CADPS: variants seen among roughly 807,000 people sequenced by gnomAD.
CADPS encodes the protein calcium-dependent secretion activator 1.
CADPS carries 57 observed loss-of-function variants against 167.3 expected under a neutral mutation model. That is an observed-to-expected ratio of 0.34 (90% CI 0.28 to 0.42). The LOEUF is 0.42. CADPS is among the 20% of genes least tolerant of loss of function. The pLI is 1.00. For missense variants in CADPS, 1,414 were observed against 1,738.1 expected, an observed-to-expected ratio of 0.81 and a Z score of 3.32; for synonymous variants, 676 against 635.3, an observed-to-expected ratio of 1.06 and a Z score of -0.96.
At chr3:62,760,871 C>T (rs543060747) in intron 2 of CADPS, among the ~76,000 whole-genome samples, 1 of 152,162 alleles carries the variant, frequency 6.6e-6, no homozygotes, top group Non-Finnish European at 1.5e-5. Flanking sequence ...ACTGTTCTTC[C>T]TCTTCTGATA....
intron 28 of CADPS, among the ~76,000 whole-genome samples, chr3:62,415,482 C>T (rs1363319096): frequency 6.6e-6 from 1 of 151,964 alleles, no homozygotes; most frequent in Admixed American, 6.6e-5. Flanking sequence ...TAGCCCCCAC[C>T]CCCCCAACTC....
At chr3:62,806,361 T>TAAAAA (rs11328861) in intron 1 of CADPS, among the ~76,000 whole-genome samples, 1 of 138,030 alleles carries the variant, frequency 7.2e-6, no homozygotes. Context: ...CGTCTTTAGT[T>TAAAAA]AAAAAAAAAA....
Position 62,782,088 on chromosome 3 carries a change from C to T in CADPS, c.442-16104G>A, listed in dbSNP as rs551975293. Among the ~76,000 whole-genome samples the T allele has an allele frequency of 3.3e-5, 5 of 152,088 alleles. No homozygotes were observed. In the East Asian group the frequency reaches 7.7e-4, roughly 24 times the overall value. On this transcript the variant is annotated intron_variant, in intron 1 of 29. Transcript: ENST00000383710. ...TTTGGTGAAGGTTTGGAAGGACAGA[C>T]GCATCATTCTGGAATGTTGGTTAAA...
At chr3:62,553,324 G>A (rs901890211) in intron 10 of CADPS, among the ~76,000 whole-genome samples, 2 of 152,172 alleles carry the variant, frequency 1.3e-5, no homozygotes, top group African/African-American at 4.8e-5. Flanking sequence ...ACACCAGGAA[G>A]TTTTTATATT....
intron 5 of CADPS, among the ~76,000 whole-genome samples, chr3:62,650,097 G>A (rs2069703980): frequency 6.6e-6 from 1 of 152,176 alleles, no homozygotes; most frequent in African/African-American, 2.4e-5. Flanking sequence ...GTATCTGACA[G>A]TGGAGTTGCT....
Position 62,851,560 on chromosome 3 carries a change from C to A in CADPS, c.441+23029G>T, listed in dbSNP as rs1370051761. 6.8e-4 allele frequency among the ~76,000 whole-genome samples: 98 copies of A among 144,858 alleles called. 2 individuals are homozygous for A. Among genetic ancestry groups the A allele is most frequent in the Non-Finnish European group, 1.4e-3 (89 of 65,530 alleles). Reference sequence around the variant, plus strand: ...GCTTAGTTTGGCTGGATATGAAATTCTGGGTTGAAAATTCTTTTCTTTAAG... The same window carrying A: ...GCTTAGTTTGGCTGGATATGAAATTATGGGTTGAAAATTCTTTTCTTTAAG... On this transcript the variant is annotated intron_variant, in intron 1 of 29. Coordinates refer to ENST00000383710, the MANE Select transcript of CADPS (RefSeq NM_003716.4).
chr3:62,707,918 CTGTTTTTGTTTT>C (rs55659559), intron 3 of CADPS, among the ~76,000 whole-genome samples: 1 of 150,994 alleles, frequency 6.6e-6, no homozygotes. Flanking sequence ...AGACACAGTA[CTGTTTTTGTTTT>C]TGTTTTTGTT....
At chr3:62,409,934 A>G (rs1376880212) in intron 28 of CADPS, among the ~76,000 whole-genome samples, 4 of 152,224 alleles carry the variant, frequency 2.6e-5, no homozygotes, top group Admixed American at 6.5e-5. Flanking sequence ...TCCAGTGAAA[A>G]TAGTCTAATC....
chr3:62,701,533 C>T lies in CADPS; in HGVS notation c.889-39139G>A, dbSNP rs548209257. 6.4e-4 allele frequency among the ~76,000 whole-genome samples: 94 copies of T among 147,508 alleles called. 2 individuals carry two copies. The highest frequency in any genetic ancestry group is 4.7e-3 in the Admixed American group (67 of 14,374). On this transcript the variant is annotated intron_variant, in intron 3 of 29. Transcript: ENST00000383710. ...CTGAGGCAGGAGAATTGTTTGAACA[C>T]GGGAGGCAGAGGTTGCAGTGAGCCG...
In CADPS at chr3:62,575,995, C is replaced by T. The variant is rs182340776; in HGVS notation, c.1578-5057G>A. Among the ~76,000 whole-genome samples the T allele has an allele frequency of 2.5e-3, 374 of 152,316 alleles. 2 individuals are homozygous for T. The highest frequency in any genetic ancestry group is 8.1e-3 in the African/African-American group (337 of 41,574). On this transcript the variant is annotated intron_variant, in intron 8 of 29. Coordinates refer to ENST00000383710, the MANE Select transcript of CADPS (RefSeq NM_003716.4). Reference sequence around the variant, plus strand: ...ACTGTTTCTGTCTAGTCAGCTCCGGCTCTGCGTTTTCTTGGGTGGAAACAT... The same window carrying T: ...ACTGTTTCTGTCTAGTCAGCTCCGGTTCTGCGTTTTCTTGGGTGGAAACAT...
chr3:62,808,661 G>T (rs796124290), intron 1 of CADPS, among the ~76,000 whole-genome samples: 1 of 151,994 alleles, frequency 6.6e-6, no homozygotes, highest in South Asian at 2.1e-4. Context: ...GAGTGCCAGG[G>T]CCCTGTCCTG....
chr3:62,449,058 T>A (rs1275632727), intron 26 of CADPS, among the ~76,000 whole-genome samples: 1 of 152,142 alleles, frequency 6.6e-6, no homozygotes, highest in African/African-American at 2.4e-5. Context: ...ATTCATGTAG[T>A]TAATTAAGGA....
chr3:62,835,920 C>T lies in CADPS; in HGVS notation c.441+38669G>A, dbSNP rs978679758. ...ACACATTAGATGACTTCATCTAAAG[C>T]TAATGCAGCTCCCTTCTCTTTTTCT... On this transcript the variant is annotated intron_variant, in intron 1 of 29. Coordinates refer to ENST00000383710, the MANE Select transcript of CADPS (RefSeq NM_003716.4). 1.0e-3 allele frequency among the ~76,000 whole-genome samples: 154 copies of T among 152,262 alleles called. 1 individual carries two copies. The highest frequency in any genetic ancestry group is 3.4e-3 in the African/African-American group (142 of 41,552).
intron 21 of CADPS, among the ~76,000 whole-genome samples, chr3:62,485,584 G>T (rs2062696556): frequency 6.9e-6 from 1 of 144,048 alleles, no homozygotes; most frequent in African/African-American, 2.5e-5. Flanking sequence ...CATTTTTCTT[G>T]TGTGTATGTT....
rs573407097 is a variant in CADPS, at chr3:62,699,968, T to C, written c.889-37574A>G. On this transcript the variant is annotated intron_variant, in intron 3 of 29. Transcript: ENST00000383710. ...CTGAGTAGTTGCAACACAGACCACG[T>C]GGCCTGCAAAGCCTCAAATATTCAC... 4.6e-5 allele frequency among the ~76,000 whole-genome samples: 7 copies of C among 152,252 alleles called. No individual in the cohort carries two copies. In the South Asian group the frequency reaches 1.4e-3, roughly 32 times the overall value.
chr3:62,764,580 C>T (rs1356246910), intron 2 of CADPS, among the ~76,000 whole-genome samples: 15 of 152,156 alleles, frequency 9.9e-5, no homozygotes, highest in Admixed American at 9.8e-4. Context: ...AATATTTTCA[C>T]AAGATCTAAT....
chr3:62,783,927 CTTACA>C (rs1387984466), intron 1 of CADPS, among the ~76,000 whole-genome samples: 1 of 152,162 alleles, frequency 6.6e-6, no homozygotes, highest in Non-Finnish European at 1.5e-5. Flanking sequence ...CACATGCACA[CTTACA>C]TTACAAAAAT....
intron 3 of CADPS, among the ~76,000 whole-genome samples, chr3:62,694,953 G>C (rs2151387640): frequency 1.3e-5 from 2 of 152,148 alleles, no homozygotes; most frequent in East Asian, 3.9e-4. Context: ...AGCAATCAAG[G>C]GTGGAAGTGG....
At chr3:62,575,394 T>G (rs2152485550) in intron 8 of CADPS, among the ~76,000 whole-genome samples, 1 of 152,324 alleles carries the variant, frequency 6.6e-6, no homozygotes, top group East Asian at 1.9e-4. Context: ...TGTGCAAACT[T>G]GGGCAAATAA....
Sources: allele counts gnomAD v4.1 joint callset (sites outside exome capture counted in the v4.1 genomes callset), GRCh38; gene constraint gnomAD v4.1.1; transcripts MANE v1.5; gene names NCBI Gene and HGNC (gene_info 2026-07-23, HGNC 2026-07-21).